The following ZFHX3 variants were observed in gnomAD, a reference collection of about 807,000 sequenced individuals.
ZFHX3 encodes the protein zinc finger homeobox protein 3.
Under a neutral mutation model 279.1 loss-of-function variants are expected in ZFHX3, and 42 were observed. The observed-to-expected ratio is 0.15, with a 90% CI of 0.12 to 0.19. ZFHX3 has a LOEUF of 0.19. Among genes scored for constraint, ZFHX3 ranks in the 10% least tolerant of loss-of-function variants. The probability of loss-of-function intolerance (pLI) is 1.00; values close to 1 mark genes in which losing one functional copy is unlikely to be tolerated. For missense variants in ZFHX3, 4,981 were observed against 4,754.0 expected, an observed-to-expected ratio of 1.05 and a Z score of -1.40; for synonymous variants, 2,293 against 1,957.8, an observed-to-expected ratio of 1.17 and a Z score of -4.52.
intron 1 of ZFHX3, among the ~76,000 whole-genome samples, chr16:73,712,184 T>TGTGAGG (rs1312646042): frequency 6.6e-6 from 1 of 152,088 alleles, no homozygotes; most frequent in Non-Finnish European, 1.5e-5. Flanking sequence ...CCACCAAGTT[T>TGTGAGG]GTGAGGTTGA....
At chr16:73,596,253 G>A (rs1261185149) in intron 2 of ZFHX3, among the ~76,000 whole-genome samples, 2 of 152,096 alleles carry the variant, frequency 1.3e-5, no homozygotes, top group Non-Finnish European at 2.9e-5. Context: ...TCTATCTCCT[G>A]ACTTCGTGAT....
chr16:73,752,930 G>A (rs1402614391), intron 1 of ZFHX3, among the ~76,000 whole-genome samples: 9 of 152,122 alleles, frequency 5.9e-5, no homozygotes, highest in Non-Finnish European at 1.0e-4. Flanking sequence ...CAGGTACAGC[G>A]GATCCTCATT....
rs1297201223 is a variant in ZFHX3 at position 73,157,465 on chromosome 16, T to TAAAAAAAAAAAAAA, written c.-1103-13648_-1103-13635dup. On this transcript the variant is annotated intron_variant, in intron 5 of 17. Transcript: ENST00000641206. ...TCCTGGGTGATTTAGGAATGTTTGG[T>TAAAAAAAAAAAAAA]AAAAAAAAAAAAAAAAAAGGCCAGT... Among the ~76,000 whole-genome samples, 24 of 76,502 alleles carry TAAAAAAAAAAAAAA rather than the reference T, an allele frequency of 3.1e-4. 3 individuals are homozygous for TAAAAAAAAAAAAAA. The highest frequency in any genetic ancestry group is 4.0e-4 in the Non-Finnish European group (17 of 42,946). The allele number at this position is 76,502 out of a possible 152,430, so 50.2% of individuals were successfully genotyped here.
At position 73,236,597 on chromosome 16, in the gene ZFHX3, TA is replaced by T. The variant is rs199847563; in HGVS notation, c.-1104+20449del. ...TGGGCAACAGAGCAAGACTCCACCTTAAAAAAAAAATAAGTAGTGATCTCTA... is the reference window on the plus strand; with the variant it reads ...TGGGCAACAGAGCAAGACTCCACCTTAAAAAAAAATAAGTAGTGATCTCTA... On this transcript the variant is annotated intron_variant, in intron 5 of 17. Coordinates refer to the ZFHX3 transcript ENST00000641206. 1.1e-3 allele frequency among the ~76,000 whole-genome samples: 169 copies of T among 148,806 alleles called. 2 individuals are homozygous for T. Among genetic ancestry groups the T allele is most frequent in the East Asian group, 5.1e-3 (26 of 5,116 alleles).
upstream of ZFHX3, among the ~76,000 whole-genome samples, chr16:73,063,469 T>G (rs768317723): frequency 4.6e-5 from 7 of 152,104 alleles, no homozygotes; most frequent in African/African-American, 7.2e-5. Flanking sequence ...GGGGTGCGCT[T>G]CTTCTGAGCG....
intron 7 of ZFHX3, among the ~76,000 whole-genome samples, chr16:73,112,237 A>G (rs1211085508): frequency 2.6e-5 from 4 of 152,000 alleles, no homozygotes; most frequent in Admixed American, 1.3e-4. Flanking sequence ...GAGGGGTGGG[A>G]TAATGAGAGA....
chr16:73,770,354 C>T (rs2054003666), intron 1 of ZFHX3, among the ~76,000 whole-genome samples: 1 of 152,166 alleles, frequency 6.6e-6, no homozygotes, highest in African/African-American at 2.4e-5. Flanking sequence ...CACAGAGCCT[C>T]CAGAAAGAAA....
intron 7 of ZFHX3, among the ~76,000 whole-genome samples, chr16:73,107,307 C>T (rs967225355): frequency 2.0e-5 from 3 of 151,534 alleles, no homozygotes; most frequent in Non-Finnish European, 4.4e-5. Context: ...AAGACTCTGT[C>T]TCAAAAAATA....
chr16:73,884,953 A>G (rs1053220196), intron 1 of ZFHX3, among the ~76,000 whole-genome samples: 1 of 152,150 alleles, frequency 6.6e-6, no homozygotes, highest in Non-Finnish European at 1.5e-5. Flanking sequence ...CCTGTTGTTC[A>G]AGCCCTCTAA....
chr16:73,887,391 C>A (rs1022993624), intron 1 of ZFHX3, among the ~76,000 whole-genome samples: 9 of 152,154 alleles, frequency 5.9e-5, no homozygotes, highest in African/African-American at 1.9e-4. Context: ...AAAACAAACT[C>A]TTAAAACATT....
chr16:73,060,223 C>CAAAAAAAAAAAAAAAAAAA (rs11311633), upstream of ZFHX3: 1 of 98,614 alleles, frequency 1.0e-5, no homozygotes, highest in African/African-American at 4.1e-5. Context: ...TCCCTAATGC[C>CAAAAAAAAAAAAAAAAAAA]AAAAAAAAAA....
chr16:72,967,445 C>A (rs1431896516), intron 1 of ZFHX3, among the ~76,000 whole-genome samples: 2 of 151,876 alleles, frequency 1.3e-5, no homozygotes, highest in Non-Finnish European at 2.9e-5. Context: ...ATCCCCAAGT[C>A]CCTACTTTAA....
At chr16:73,107,750 G>A (rs1248054077) in intron 7 of ZFHX3, among the ~76,000 whole-genome samples, 1 of 152,220 alleles carries the variant, frequency 6.6e-6, no homozygotes, top group Admixed American at 6.5e-5. Flanking sequence ...TGGGTGTGGT[G>A]GCTCACACCT....
At chr16:72,916,558 A>G (rs903089815) in intron 3 of ZFHX3, among the ~76,000 whole-genome samples, 5 of 152,242 alleles carry the variant, frequency 3.3e-5, no homozygotes, top group Admixed American at 2.6e-4. Context: ...AATGTAAATC[A>G]TTTGTACGAA....
At chr16:73,890,708 G>A (rs192730614) in intron 1 of ZFHX3, among the ~76,000 whole-genome samples, 1 of 151,904 alleles carries the variant, frequency 6.6e-6, no homozygotes. Context: ...ACGTTACATC[G>A]TCCTATTTAA....
intron 5 of ZFHX3, among the ~76,000 whole-genome samples, chr16:73,172,139 G>A (rs1218075977): frequency 6.6e-6 from 1 of 152,208 alleles, no homozygotes; most frequent in African/African-American, 2.4e-5. Context: ...TCCCTGAGGA[G>A]GAAAAGAGCA....
At chr16:73,629,833 C>T (rs545219572) in intron 2 of ZFHX3, among the ~76,000 whole-genome samples, 4 of 152,114 alleles carry the variant, frequency 2.6e-5, no homozygotes, top group Admixed American at 1.3e-4. Flanking sequence ...AAGGCACAGG[C>T]GACAAGACAG....
chr16:73,160,134 T>C (rs1342334586), intron 5 of ZFHX3, among the ~76,000 whole-genome samples: 1 of 152,230 alleles, frequency 6.6e-6, no homozygotes, highest in East Asian at 1.9e-4. Context: ...TTAGCTGTTA[T>C]GCAATGGCAG....
chr16:73,534,067 C>G (rs1013551644), intron 2 of ZFHX3, among the ~76,000 whole-genome samples: 4 of 152,152 alleles, frequency 2.6e-5, no homozygotes, highest in Non-Finnish European at 4.4e-5. Flanking sequence ...GATGGCTCCT[C>G]CTTTCATTCA....
Sources: allele counts gnomAD v4.1 joint callset (sites outside exome capture counted in the v4.1 genomes callset), GRCh38; gene constraint gnomAD v4.1.1; transcripts MANE v1.5; gene names NCBI Gene and HGNC (gene_info 2026-07-23, HGNC 2026-07-21).